The following SPMIP2 variants were observed in gnomAD, a reference collection of about 807,000 sequenced individuals.
SPMIP2 encodes the protein protein SPMIP2.
chr4:158,924,373 G>T, the SPMIP2 span, among the ~76,000 whole-genome samples: 1 of 152,034 alleles, frequency 6.6e-6, no homozygotes, highest in South Asian at 2.1e-4. Flanking sequence ...CATATGGATG[G>T]TTTTTGTTTG....
the SPMIP2 span, among the ~76,000 whole-genome samples, chr4:159,040,613 G>A: frequency 6.6e-6 from 1 of 151,914 alleles, no homozygotes; most frequent in Non-Finnish European, 1.5e-5. Flanking sequence ...TTAGAGGTGT[G>A]TACCACCACA....
the SPMIP2 span, among the ~76,000 whole-genome samples, chr4:159,016,748 C>A: frequency 6.6e-6 from 1 of 152,184 alleles, no homozygotes; most frequent in Non-Finnish European, 1.5e-5. Context: ...GCCTGCCCCC[C>A]ACAGGGAGAC....
At chr4:159,016,748 C>T in the SPMIP2 span, among the ~76,000 whole-genome samples, 1 of 152,184 alleles carries the variant, frequency 6.6e-6, no homozygotes, top group African/African-American at 2.4e-5. Flanking sequence ...GCCTGCCCCC[C>T]ACAGGGAGAC....
chr4:159,007,584 G>A, the SPMIP2 span: 1 of 1,107,800 alleles, frequency 9.0e-7, no homozygotes, highest in Non-Finnish European at 1.3e-6. Context: ...CAAAAGCAAA[G>A]TGGAAGCTTT....
the SPMIP2 span, among the ~76,000 whole-genome samples, chr4:159,033,047 G>A: frequency 2.6e-5 from 4 of 152,184 alleles, no homozygotes; most frequent in Non-Finnish European, 5.9e-5. Context: ...AAGCCACCAA[G>A]ATGTCTTTCG....
the SPMIP2 span, chr4:159,007,825 C>T: frequency 1.8e-6 from 1 of 560,886 alleles, no homozygotes; most frequent in Non-Finnish European, 3.5e-6. Context: ...GAGAAGCCAT[C>T]TATGCACTGA....
chr4:158,909,473 C>G, the SPMIP2 span: 1 of 151,534 alleles, frequency 6.6e-6, no homozygotes, highest in Non-Finnish European at 1.5e-5. Flanking sequence ...CACGTGCACA[C>G]AAGAGTGCTT....
the SPMIP2 span, among the ~76,000 whole-genome samples, chr4:158,986,372 T>C: frequency 7.9e-5 from 12 of 152,294 alleles, no homozygotes; most frequent in South Asian, 2.5e-3. Flanking sequence ...TCACGCTACC[T>C]GACTTCAAAC....
chr4:158,894,170 CT>C, the SPMIP2 span, among the ~76,000 whole-genome samples: 61,563 of 127,318 alleles, frequency 0.48, 14,764 homozygotes, highest in East Asian at 0.82. Flanking sequence ...AAAATGTTTT[CT>C]TTTTTTTTTT....
At chr4:158,973,067 T>TCATATC in the SPMIP2 span, 1 of 1,471,790 alleles carries the variant, frequency 6.8e-7, no homozygotes, top group African/African-American at 1.4e-5. Context: ...AGCATAAATT[T>TCATATC]AAGAGCAATA....
At chr4:159,038,964 T>C in the SPMIP2 span, among the ~76,000 whole-genome samples, 1 of 152,144 alleles carries the variant, frequency 6.6e-6, no homozygotes, top group Non-Finnish European at 1.5e-5. Context: ...GATGGTTTTA[T>C]AGTCTTATTT....
At chr4:158,898,602 T>C in the SPMIP2 span, among the ~76,000 whole-genome samples, 2 of 152,236 alleles carry the variant, frequency 1.3e-5, no homozygotes, top group East Asian at 3.8e-4. Flanking sequence ...TTGTAGCAAT[T>C]GTGAATAGGA....
chr4:158,953,318 C>T, the SPMIP2 span, among the ~76,000 whole-genome samples: 3 of 152,206 alleles, frequency 2.0e-5, no homozygotes, highest in African/African-American at 7.2e-5. Flanking sequence ...CAACATAGAG[C>T]TTGGGCCATG....
chr4:159,055,626 C>G, the SPMIP2 span, among the ~76,000 whole-genome samples: 1 of 152,094 alleles, frequency 6.6e-6, no homozygotes, highest in African/African-American at 2.4e-5. Context: ...TGGAGGATCA[C>G]TTGAGCCCAG....
chr4:159,066,589 T>TTATATATATATATA, the SPMIP2 span, among the ~76,000 whole-genome samples: 487 of 76,346 alleles, frequency 6.4e-3, 5 homozygotes, highest in Middle Eastern at 0.016. Flanking sequence ...TGTGTGTATT[T>TTATATATATATATA]TATATATATA....
the SPMIP2 span, among the ~76,000 whole-genome samples, chr4:158,996,164 AATC>A: frequency 6.6e-6 from 1 of 152,242 alleles, no homozygotes; most frequent in South Asian, 2.1e-4. Flanking sequence ...TTGCTGATGT[AATC>A]AAAAATATAA....
the SPMIP2 span, among the ~76,000 whole-genome samples, chr4:158,909,841 G>A: frequency 6.6e-6 from 1 of 152,262 alleles, no homozygotes; most frequent in South Asian, 2.1e-4. Context: ...AGGAGATCGA[G>A]ACCATCCTGG....
At chr4:159,016,641 T>C in the SPMIP2 span, among the ~76,000 whole-genome samples, 1 of 152,324 alleles carries the variant, frequency 6.6e-6, no homozygotes, top group Middle Eastern at 3.4e-3. Context: ...TGGTAACCCC[T>C]TGTGGTTGCA....
At chr4:158,974,395 GT>G in the SPMIP2 span, among the ~76,000 whole-genome samples, 1 of 152,132 alleles carries the variant, frequency 6.6e-6, no homozygotes, top group Non-Finnish European at 1.5e-5. Context: ...TGCCATGATG[GT>G]TTGCTGCACC....
Sources: gnomAD v4.1 joint callset for allele counts (sites outside exome capture counted in the v4.1 genomes callset) on GRCh38, gnomAD v4.1.1 for gene constraint, MANE v1.5 for transcripts, NCBI Gene and HGNC (gene_info 2026-07-23, HGNC 2026-07-21) for gene names.